The following PAK1 variants were observed in gnomAD, a reference collection of about 807,000 sequenced individuals.
PAK1 encodes serine/threonine-protein kinase PAK 1.
In PAK1, 29 loss-of-function variants were observed where a neutral mutation model predicts 67.4. That is an observed-to-expected ratio of 0.43 (90% CI 0.32 to 0.59). PAK1 has a LOEUF of 0.59. PAK1 is among the 20% of genes least tolerant of loss of function. The pLI is 0.07. For missense variants in PAK1, 337 were observed against 670.7 expected (o/e 0.50, Z 5.50); for synonymous variants, 223 against 237.4 (o/e 0.94, Z 0.56).
At chr11:77,418,099 TTAAAA>T (rs758714377) in intron 1 of PAK1, among the ~76,000 whole-genome samples, 3 of 152,020 alleles carry the variant, frequency 2.0e-5, no homozygotes, top group Non-Finnish European at 4.4e-5. Context: ...ATAAAATCTA[TTAAAA>T]TAAAAAAGTA....
chr11:77,500,986 AC>A, the PAK1 span, among the ~76,000 whole-genome samples: 2 of 151,036 alleles, frequency 1.3e-5, no homozygotes, highest in Non-Finnish European at 3.0e-5. Context: ...TCCACCAAAA[AC>A]CCAATCCCGG....
rs545892893 is a variant in PAK1 at position 77,393,817 on chromosome 11, A to G, written c.-21-1276T>C. Among the ~76,000 whole-genome samples, 279 of 152,268 alleles carry G rather than the reference A, an allele frequency of 1.8e-3. 3 individuals carry two copies. The highest frequency in any genetic ancestry group is 6.5e-3 in the African/African-American group (272 of 41,544). ...CAGGAGTTTGAGACCAGCCTGGCCA[A>G]TATGTTGAAACCCCCTCTCCACTAA... On this transcript the variant is annotated intron_variant, in intron 1 of 14. Transcript: ENST00000356341.
At position 77,322,177 on chromosome 11, in the gene PAK1, A is replaced by G. The variant is rs1413238451; in HGVS notation, c.*1097T>C. 2 of 207,886 alleles carry G rather than the reference A, an allele frequency of 9.6e-6. No individual in the cohort carries two copies. The highest frequency in any genetic ancestry group is 2.3e-5 in the African/African-American group (1 of 43,884). The allele number at this position is 207,886 out of a possible 1,614,324, so 12.9% of individuals were successfully genotyped here. On this transcript the variant is annotated 3_prime_UTR_variant, in exon 15 of 15. Coordinates refer to ENST00000356341, the MANE Select transcript of PAK1 (RefSeq NM_002576.5). ...GGAGAACCAAAACCACAAAAATAGC[A>G]GGAGGTAGCAAACATCCCCAACACC...
the PAK1 span, among the ~76,000 whole-genome samples, chr11:77,495,741 A>G: frequency 1.2e-4 from 19 of 152,198 alleles, no homozygotes; most frequent in Non-Finnish European, 2.5e-4. Context: ...ACATGCTACA[A>G]CATGAATGAA....
intron 1 of PAK1, among the ~76,000 whole-genome samples, chr11:77,462,719 C>A (rs1957407995): frequency 6.6e-6 from 1 of 151,942 alleles, no homozygotes; most frequent in South Asian, 2.1e-4. Flanking sequence ...ATAATCCCAG[C>A]TACTTGGGAG....
chr11:77,472,055 G>C (rs951003391), intron 1 of PAK1, among the ~76,000 whole-genome samples: 1 of 152,182 alleles, frequency 6.6e-6, no homozygotes, highest in Non-Finnish European at 1.5e-5. Flanking sequence ...TCACCCATTA[G>C]ACTTTGAGCT....
chr11:77,324,737 T>C (rs1939294243), intron 14 of PAK1, among the ~76,000 whole-genome samples: 1 of 148,378 alleles, frequency 6.7e-6, no homozygotes, highest in African/African-American at 2.5e-5. Flanking sequence ...ATTAGTCATA[T>C]TGTATATATG....
intron 2 of PAK1, among the ~76,000 whole-genome samples, chr11:77,384,006 A>G (rs781752831): frequency 1.3e-5 from 2 of 152,232 alleles, no homozygotes; most frequent in Admixed American, 6.5e-5. Flanking sequence ...AAATAGGACA[A>G]TGGTGCATGC....
chr11:77,504,216 C>T, the PAK1 span, among the ~76,000 whole-genome samples: 1 of 151,878 alleles, frequency 6.6e-6, no homozygotes, highest in Non-Finnish European at 1.5e-5. Context: ...TTTAAAACAA[C>T]CTTAATAAAT....
At chr11:77,334,423 G>A (rs1234518050) in intron 13 of PAK1, among the ~76,000 whole-genome samples, 1 of 152,148 alleles carries the variant, frequency 6.6e-6, no homozygotes, top group East Asian at 1.9e-4. Flanking sequence ...GATGACATGA[G>A]CATGTAGATG....
At chr11:77,512,194 A>G in the PAK1 span, among the ~76,000 whole-genome samples, 8 of 152,168 alleles carry the variant, frequency 5.3e-5, no homozygotes, top group Non-Finnish European at 1.0e-4. Context: ...AGTCCACTCC[A>G]GACAGCAACA....
chr11:77,494,543 A>G, the PAK1 span, among the ~76,000 whole-genome samples: 1 of 151,916 alleles, frequency 6.6e-6, no homozygotes, highest in East Asian at 1.9e-4. Flanking sequence ...TTTGTTTCTA[A>G]AAGGAACATA....
chr11:77,340,619 C>T (rs778887226), intron 11 of PAK1, 27 bp downstream of exon 11: 10 of 1,148,408 alleles, frequency 8.7e-6, no homozygotes, highest in East Asian at 2.3e-5. Context: ...AGCTTTCTAC[C>T]CAAGACTGCT....
chr11:77,432,008 T>C (rs1482011890), intron 1 of PAK1, among the ~76,000 whole-genome samples: 1 of 152,170 alleles, frequency 6.6e-6, no homozygotes, highest in Non-Finnish European at 1.5e-5. Flanking sequence ...TGTGGGTTTT[T>C]TTTGTCTCCT....
At chr11:77,485,309 A>G in the PAK1 span, among the ~76,000 whole-genome samples, 115,604 of 152,074 alleles carry the variant, frequency 0.76, 44,708 homozygotes, top group East Asian at 0.93. Flanking sequence ...TTAAATAACT[A>G]AAAGAGTATA....
intron 1 of PAK1, among the ~76,000 whole-genome samples, chr11:77,444,986 AT>A (rs555018767): frequency 1.4e-4 from 22 of 152,142 alleles, no homozygotes; most frequent in Non-Finnish European, 3.1e-4. Flanking sequence ...AAAAAAAAAA[AT>A]GTTAAAATCC....
chr11:77,354,623 A>T (rs1475816998), intron 7 of PAK1, among the ~76,000 whole-genome samples: 3 of 152,222 alleles, frequency 2.0e-5, no homozygotes, highest in African/African-American at 7.2e-5. Flanking sequence ...ATACAGGAGT[A>T]AACAGATGAC....
intron 5 of PAK1, among the ~76,000 whole-genome samples, chr11:77,369,098 A>T (rs1301582136): frequency 1.3e-5 from 2 of 152,134 alleles, no homozygotes; most frequent in Admixed American, 6.5e-5. Flanking sequence ...TGTTTTTTCC[A>T]CTATTTCTAA....
chr11:77,483,769 GAACT>G, the PAK1 span, among the ~76,000 whole-genome samples: 1 of 152,176 alleles, frequency 6.6e-6, no homozygotes, highest in East Asian at 1.9e-4. Flanking sequence ...TGAGTAATGA[GAACT>G]AACTATAACA....
Sources: allele counts gnomAD v4.1 joint callset (sites outside exome capture counted in the v4.1 genomes callset), GRCh38; gene constraint gnomAD v4.1.1; transcripts MANE v1.5; gene names NCBI Gene and HGNC (gene_info 2026-07-23, HGNC 2026-07-21).